The following ABCC9 variants were observed in gnomAD, a reference collection of about 807,000 sequenced individuals.
ABCC9 encodes the protein ATP binding cassette subfamily C member 9, also known as ATP-binding cassette sub-family C member 9.
A neutral mutation model predicts 188.3 loss-of-function variants in ABCC9; 95 were observed. The observed-to-expected ratio is 0.50, with a 90% CI of 0.43 to 0.60. The LOEUF (loss-of-function observed/expected upper bound fraction) is 0.60. Ranked by LOEUF, ABCC9 falls within the 20% of genes least tolerant of loss-of-function variation. The probability of loss-of-function intolerance (pLI) is 0.00; values close to 1 mark genes in which losing one functional copy is unlikely to be tolerated. For synonymous variants in ABCC9, 659 were observed against 652.7 expected (o/e 1.01, Z -0.15); for missense variants, 1,102 against 1,876.3 (o/e 0.59, Z 7.62).
At chr12:21,805,800 G>A (rs1941795485) in intron 39 of ABCC9, among the ~76,000 whole-genome samples, 198 bp downstream of exon 39, 1 of 152,188 alleles carries the variant, frequency 6.6e-6, no homozygotes, top group South Asian at 2.1e-4. Context: ...AGGGAAGTCA[G>A]TTAGGTAGAG....
intron 28 of ABCC9, among the ~76,000 whole-genome samples, chr12:21,844,137 T>G (rs1944515100): frequency 1.3e-5 from 2 of 152,194 alleles, no homozygotes; most frequent in African/African-American, 4.8e-5. Flanking sequence ...TGAGAGAAAT[T>G]CTGCATGAAT....
chr12:21,912,357 C>T (rs1592216838), intron 8 of ABCC9, among the ~76,000 whole-genome samples: 1 of 151,892 alleles, frequency 6.6e-6, no homozygotes, highest in East Asian at 1.9e-4. Context: ...AACTATATAG[C>T]CCCAATATAA....
chr12:21,916,894 G>A, intron 6 of ABCC9, 43 bp downstream of exon 6: 1 of 1,548,180 alleles, frequency 6.5e-7, no homozygotes, highest in Non-Finnish European at 8.7e-7. Context: ...TCATATTGGG[G>A]TCTTGAATCC....
intron 17 of ABCC9, among the ~76,000 whole-genome samples, chr12:21,874,819 T>C (rs749094392): frequency 6.6e-6 from 1 of 152,206 alleles, no homozygotes; most frequent in African/African-American, 2.4e-5. Context: ...CTCTTTTAGG[T>C]ATTTTAACTA....
Position 21,885,754 on chromosome 12 carries a change from G to A in ABCC9, c.1911+2072C>T, listed in dbSNP as rs187393083. ...TCCCTTCTCAGACAAAATCACACCCGTTCAGTAAAACAACTTAACAGAAAG... is the reference window on the plus strand; with the variant it reads ...TCCCTTCTCAGACAAAATCACACCCATTCAGTAAAACAACTTAACAGAAAG... On this transcript the variant is annotated intron_variant, in intron 15 of 39. Coordinates refer to ENST00000261200, the MANE Select transcript of ABCC9 (RefSeq NM_020297.4). Among the ~76,000 whole-genome samples, 25 of 152,060 alleles carry A rather than the reference G, an allele frequency of 1.6e-4. No individual in the cohort carries two copies. In the East Asian group the frequency reaches 3.5e-3, roughly 21 times the overall value.
At position 21,797,491 on chromosome 12, in the gene ABCC9, T is replaced by C. The variant is rs1226009260; in HGVS notation, c.*3553A>G. 6.6e-6 allele frequency: 1 copy of C among 152,248 alleles called. No homozygotes were observed. Among genetic ancestry groups the C allele is most frequent in the Non-Finnish European group, 1.5e-5 (1 of 68,050 alleles). The allele number at this position is 152,248 out of a possible 1,614,324, so 9.4% of individuals were successfully genotyped here. On this transcript the variant is annotated 3_prime_UTR_variant, in exon 40 of 40. Transcript: ENST00000261200. ...TTTATTGTAGAGAACAAATACATTT[T>C]ATATATTGTAGAGAATAAATAGAAT...
intron 36 of ABCC9, among the ~76,000 whole-genome samples, chr12:21,810,650 A>G (rs908668035): frequency 7.9e-5 from 12 of 152,248 alleles, no homozygotes; most frequent in Middle Eastern, 3.4e-3. Flanking sequence ...CCATGATTCA[A>G]TTACCTCCTA....
At position 21,895,264 on chromosome 12, in the gene ABCC9, A is replaced by G; in HGVS notation, c.1659+11T>C. ...TGGTTTCATTTCTAAAAGAGAGAAA[A>G]AGTGTCTTACAGCAAGAACAGCTGC... On this transcript the variant is annotated intron_variant, in intron 13 of 39. Transcript: ENST00000261200. The G allele has an allele frequency of 1.2e-6, 2 of 1,611,426 alleles. No individual in the cohort carries two copies. Among genetic ancestry groups the G allele is most frequent in the Non-Finnish European group, 8.5e-7 (1 of 1,177,688 alleles).
chr12:21,918,983 T>A (rs1323965576), intron 5 of ABCC9, among the ~76,000 whole-genome samples: 5 of 152,054 alleles, frequency 3.3e-5, no homozygotes, highest in Non-Finnish European at 7.4e-5. Flanking sequence ...ACTAAAGAGG[T>A]CAGATAATAT....
At chr12:21,825,903 A>G (rs946213950) in intron 31 of ABCC9, among the ~76,000 whole-genome samples, 1 of 152,156 alleles carries the variant, frequency 6.6e-6, no homozygotes, top group South Asian at 2.1e-4. Flanking sequence ...TTTTCTGTCA[A>G]TAGCAGTGAC....
chr12:21,864,382 T>C (rs1945679717), intron 19 of ABCC9, 57 bp downstream of exon 19: 8 of 1,228,402 alleles, frequency 6.5e-6, no homozygotes, highest in Non-Finnish European at 9.6e-6. Flanking sequence ...TTAAAGAGAT[T>C]AAAGTCTGAG....
intron 15 of ABCC9, among the ~76,000 whole-genome samples, chr12:21,887,513 G>T (rs1266847887): frequency 2.0e-5 from 3 of 152,154 alleles, no homozygotes; most frequent in Non-Finnish European, 4.4e-5. Flanking sequence ...GGTATTATAA[G>T]AAAATGGTGC....
chr12:21,861,091 A>T (rs1340461608), intron 20 of ABCC9, 36 bp from the exon 21 acceptor site: 2 of 1,518,566 alleles, frequency 1.3e-6, no homozygotes, highest in Admixed American at 1.7e-5. Flanking sequence ...TTAGATCTCA[A>T]TTAATACATT....
At chr12:21,918,472 C>T (rs2137940634) in intron 5 of ABCC9, among the ~76,000 whole-genome samples, 1 of 152,166 alleles carries the variant, frequency 6.6e-6, no homozygotes, top group African/African-American at 2.4e-5. Flanking sequence ...TTTGAAATAA[C>T]AGAAATCATA....
intron 3 of ABCC9, 35 bp from the exon 4 acceptor site, chr12:21,933,958 A>G (rs1248028254): frequency 5.6e-6 from 9 of 1,612,504 alleles, no homozygotes; most frequent in African/African-American, 1.3e-5. Flanking sequence ...ACAAAAAGAC[A>G]TAAACCGAAG....
At chr12:21,930,840 A>G (rs867775623) in intron 4 of ABCC9, among the ~76,000 whole-genome samples, 1 of 152,164 alleles carries the variant, frequency 6.6e-6, no homozygotes, top group Non-Finnish European at 1.5e-5. Context: ...GCAGATTACT[A>G]TGAAATTATA....
In ABCC9 at chr12:21,915,656, A is replaced by G; in HGVS notation, c.816+12T>C. On this transcript the variant is annotated intron_variant, in intron 7 of 39. Transcript: ENST00000261200. ...CTGTAATTAAGCACATGGAAGACAG[A>G]CGCTAAATCACCTTTTGTTCTTCAT... 1 of 1,611,314 alleles carries G rather than the reference A, an allele frequency of 6.2e-7. No individual in the cohort carries two copies. The highest frequency in any genetic ancestry group is 8.5e-7 in the Non-Finnish European group (1 of 1,179,136).
intron 39 of ABCC9, chr12:21,805,346 G>C (rs774875061): frequency 3.7e-6 from 6 of 1,601,186 alleles, no homozygotes; most frequent in Non-Finnish European, 5.1e-6. Flanking sequence ...AGAATCAGCA[G>C]AAGGAAAAAT....
intron 39 of ABCC9, among the ~76,000 whole-genome samples, chr12:21,803,292 T>C (rs1231583016): frequency 6.6e-6 from 1 of 152,038 alleles, no homozygotes; most frequent in Non-Finnish European, 1.5e-5. Flanking sequence ...ATTTGGCCTC[T>C]AAACCCATAA....
Sources: gnomAD v4.1 joint callset for allele counts (sites outside exome capture counted in the v4.1 genomes callset) on GRCh38, gnomAD v4.1.1 for gene constraint, MANE v1.5 for transcripts, NCBI Gene and HGNC (gene_info 2026-07-23, HGNC 2026-07-21) for gene names.